The following DYM variants were observed in gnomAD, a reference collection of about 807,000 sequenced individuals.
DYM encodes the protein dymeclin, also known as dyggve-Melchior-Clausen syndrome protein.
Under a neutral mutation model 93.1 loss-of-function variants are expected in DYM, and 78 were observed. The ratio of observed to expected loss-of-function variants is 0.84; its 90% confidence interval spans 0.70 to 1.01. The LOEUF (loss-of-function observed/expected upper bound fraction) is 1.01, where lower values mean the gene tolerates loss of function less well. Ranked by LOEUF, DYM falls within the 50% of genes least tolerant of loss-of-function variation. DYM has a pLI of 0.00. For synonymous variants in DYM, 321 were observed against 319.7 expected, an observed-to-expected ratio of 1.00 and a Z score of -0.04; for missense variants, 789 against 845.0, an observed-to-expected ratio of 0.93 and a Z score of 0.82.
intron 17 of DYM, among the ~76,000 whole-genome samples, chr18:49,080,458 G>A (rs377026109): frequency 3.3e-4 from 46 of 139,032 alleles, no homozygotes; most frequent in African/African-American, 4.6e-4. Flanking sequence ...CAGTAGGGGC[G>A]GCTGGGCAGA....
intron 8 of DYM, among the ~76,000 whole-genome samples, chr18:49,290,246 G>A (rs1299739364): frequency 6.6e-6 from 1 of 151,950 alleles, no homozygotes; most frequent in African/African-American, 2.4e-5. Context: ...ATATAAGGAT[G>A]TAGATGTCTA....
chr18:49,089,519 A>T (rs985357040), intron 17 of DYM, among the ~76,000 whole-genome samples: 2 of 152,212 alleles, frequency 1.3e-5, no homozygotes, highest in Admixed American at 1.3e-4. Context: ...ATCAAGGCCA[A>T]CTGTTAATCC....
At chr18:49,086,032 C>CTT (rs2078493820) in intron 17 of DYM, among the ~76,000 whole-genome samples, 1 of 152,202 alleles carries the variant, frequency 6.6e-6, no homozygotes, top group African/African-American at 2.4e-5. Context: ...AATCACACAG[C>CTT]TTAATGTTTC....
intron 13 of DYM, among the ~76,000 whole-genome samples, chr18:49,215,674 T>A (rs1011620517): frequency 1.3e-5 from 2 of 152,172 alleles, no homozygotes; most frequent in Non-Finnish European, 2.9e-5. Context: ...AAAACTAAAG[T>A]TGAACTAAAA....
chr18:49,342,566 A>G (rs1222396706), intron 6 of DYM, among the ~76,000 whole-genome samples: 2 of 152,196 alleles, frequency 1.3e-5, no homozygotes, highest in Non-Finnish European at 2.9e-5. Flanking sequence ...CAGCCAGCAT[A>G]AAAATATTAC....
At chr18:49,276,431 A>G (rs2145630059) in intron 10 of DYM, among the ~76,000 whole-genome samples, 2 of 152,244 alleles carry the variant, frequency 1.3e-5, no homozygotes, top group Non-Finnish European at 2.9e-5. Flanking sequence ...CCACTTGGAT[A>G]TGGTATATAA....
chr18:49,389,362 A>G (rs921353377), intron 3 of DYM, among the ~76,000 whole-genome samples: 1 of 152,136 alleles, frequency 6.6e-6, no homozygotes, highest in African/African-American at 2.4e-5. Flanking sequence ...ATTTATATCT[A>G]TTGAATAAGT....
chr18:49,406,571 A>G (rs2071525399), intron 2 of DYM, among the ~76,000 whole-genome samples: 1 of 152,236 alleles, frequency 6.6e-6, no homozygotes, highest in Non-Finnish European at 1.5e-5. Flanking sequence ...AAAAAAGAAA[A>G]GAAAAGAAAA....
At chr18:49,303,200 T>C (rs1046569095) in intron 8 of DYM, among the ~76,000 whole-genome samples, 1 of 152,220 alleles carries the variant, frequency 6.6e-6, no homozygotes, top group Non-Finnish European at 1.5e-5. Flanking sequence ...ATTTCCTGAT[T>C]TCTCCTGAGG....
At chr18:49,375,270 T>C (rs1432680572) in intron 5 of DYM, among the ~76,000 whole-genome samples, 1 of 150,722 alleles carries the variant, frequency 6.6e-6, no homozygotes, top group Non-Finnish European at 1.5e-5. Context: ...AAAATATATA[T>C]ATATAAACAT....
At chr18:49,315,947 C>T (rs912269991) in intron 8 of DYM, among the ~76,000 whole-genome samples, 2 of 151,772 alleles carry the variant, frequency 1.3e-5, no homozygotes, top group Admixed American at 6.6e-5. Flanking sequence ...AATAAAATAC[C>T]CAAGTTTGCT....
chr18:49,105,847 A>G (rs1289957043), intron 16 of DYM, among the ~76,000 whole-genome samples: 5 of 152,176 alleles, frequency 3.3e-5, no homozygotes, highest in African/African-American at 1.2e-4. Flanking sequence ...CAATTTTGGA[A>G]TAAGTGTGGT....
intron 8 of DYM, among the ~76,000 whole-genome samples, chr18:49,296,136 C>T (rs979435703): frequency 6.6e-6 from 1 of 152,108 alleles, no homozygotes; most frequent in African/African-American, 2.4e-5. Flanking sequence ...GCCATGGTGG[C>T]CAGGATGGTC....
Position 49,040,163 on chromosome 18 carries a change from G to C in DYM, c.*3892C>G, listed in dbSNP as rs994465743. 6.6e-6 allele frequency: 1 copy of C among 152,208 alleles called. No homozygotes were observed. The highest frequency in any genetic ancestry group is 1.5e-5 in the Non-Finnish European group (1 of 68,032). 9.4% of individuals were successfully genotyped at this position (152,208 alleles called of 1,614,324 possible). On this transcript the variant is annotated 3_prime_UTR_variant, in exon 18 of 18. Coordinates refer to ENST00000675505, the MANE Select transcript of DYM (RefSeq NM_001353214.3). ...CCAACCCTCAAGCTAAGGACAACTT[G>C]GAAATCTGGTAAAAATATTTTTAAA...
At chr18:49,407,994 C>T (rs2071714750) in intron 2 of DYM, among the ~76,000 whole-genome samples, 1 of 148,848 alleles carries the variant, frequency 6.7e-6, no homozygotes, top group South Asian at 2.1e-4. Flanking sequence ...ACTCAAGAGG[C>T]TGAAGGGGGA....
chr18:49,284,711 CTT>C (rs1202258836), intron 9 of DYM, among the ~76,000 whole-genome samples: 1 of 152,174 alleles, frequency 6.6e-6, no homozygotes, highest in African/African-American at 2.4e-5. Context: ...GACTCTGAAA[CTT>C]GCTTTCTTAA....
intron 5 of DYM, among the ~76,000 whole-genome samples, chr18:49,375,876 G>A (rs1381865164): frequency 1.3e-5 from 2 of 152,178 alleles, no homozygotes; most frequent in African/African-American, 2.4e-5. Flanking sequence ...GACTTGCTGA[G>A]TCTCCTGGCC....
intron 13 of DYM, among the ~76,000 whole-genome samples, chr18:49,255,755 T>C (rs2094381109): frequency 1.3e-5 from 2 of 150,130 alleles, no homozygotes; most frequent in African/African-American, 4.9e-5. Context: ...TTCACTGGGG[T>C]TCTATTTGAG....
At chr18:49,065,499 A>G (rs1266360206) in intron 17 of DYM, among the ~76,000 whole-genome samples, 1 of 152,150 alleles carries the variant, frequency 6.6e-6, no homozygotes, top group African/African-American at 2.4e-5. Context: ...AGTAGCTGGG[A>G]TTACAGGGAT....
Sources: allele counts gnomAD v4.1 joint callset (sites outside exome capture counted in the v4.1 genomes callset), GRCh38; gene constraint gnomAD v4.1.1; transcripts MANE v1.5; gene names NCBI Gene and HGNC (gene_info 2026-07-23, HGNC 2026-07-21).